Variants in SRRM1 observed in about 807,000 individuals in gnomAD.
The protein encoded by SRRM1 is serine and arginine repetitive matrix 1.
Under a neutral mutation model 110.2 loss-of-function variants are expected in SRRM1, and 19 were observed. That is an observed-to-expected ratio of 0.17 (90% confidence interval 0.12 to 0.25). SRRM1 has a LOEUF of 0.25. Ranked by LOEUF, SRRM1 falls within the 10% of genes least tolerant of loss-of-function variation. SRRM1 has a pLI of 1.00. For synonymous variants in SRRM1, 443 were observed against 414.9 expected (o/e 1.07, Z -0.82); for missense variants, 918 against 1,145.8 (o/e 0.80, Z 2.87).
chr1:24,652,814 C>A (rs563760271), intron 7 of SRRM1, 99 bp from the exon 8 acceptor site: 4 of 1,458,020 alleles, frequency 2.7e-6, no homozygotes, highest in Admixed American at 2.5e-5. Flanking sequence ...AAATTTTGAT[C>A]TTTGAAATTT....
At chr1:24,652,207 T>C (rs1446112366) in intron 6 of SRRM1, among the ~76,000 whole-genome samples, 1 of 149,678 alleles carries the variant, frequency 6.7e-6, no homozygotes, top group Non-Finnish European at 1.5e-5. Context: ...GTGACAAGAG[T>C]GAGACCCTGT....
At chr1:24,661,243 T>C in intron 10 of SRRM1, 67 bp from the exon 11 acceptor site, 1 of 1,143,700 alleles carries the variant, frequency 8.7e-7, no homozygotes, top group Non-Finnish European at 1.3e-6. Context: ...ACTATTTTCC[T>C]ATTCAAATTG....
chr1:24,651,740 T>C, intron 6 of SRRM1, 128 bp downstream of exon 6: 1 of 822,974 alleles, frequency 1.2e-6, no homozygotes, highest in Non-Finnish European at 1.9e-6. Flanking sequence ...AAAATTAGTT[T>C]GTTGAAAAGA....
intron 1 of SRRM1, 146 bp downstream of exon 1, chr1:24,643,493 C>CA: frequency 1.7e-6 from 1 of 579,044 alleles, no homozygotes; most frequent in Admixed American, 4.8e-5. Flanking sequence ...CCCCCCCCCC[C>CA]CCCGTGCGCT....
intron 8 of SRRM1, among the ~76,000 whole-genome samples, chr1:24,653,908 A>G (rs983522180): frequency 1.3e-5 from 2 of 152,216 alleles, no homozygotes; most frequent in African/African-American, 4.8e-5. Flanking sequence ...GGGAAAAATC[A>G]AGTAAGCTCT....
intron 15 of SRRM1, among the ~76,000 whole-genome samples, chr1:24,670,542 C>T (rs1017349740): frequency 6.6e-6 from 1 of 152,182 alleles, no homozygotes; most frequent in Non-Finnish European, 1.5e-5. Context: ...CTGTCACCCA[C>T]GCTGAGTGCA....
intron 12 of SRRM1, among the ~76,000 whole-genome samples, chr1:24,664,259 G>GT (rs1225398361): frequency 4.6e-5 from 7 of 152,264 alleles, no homozygotes; most frequent in African/African-American, 1.4e-4. Flanking sequence ...GCCTCCCAAA[G>GT]TGTTGGGATT....
At chr1:24,659,956 T>C (rs1280943090) in intron 9 of SRRM1, among the ~76,000 whole-genome samples, 1 of 152,226 alleles carries the variant, frequency 6.6e-6, no homozygotes, top group Non-Finnish European at 1.5e-5. Flanking sequence ...GGCGGTCTGC[T>C]TTTTTTCATG....
intron 16 of SRRM1, 74 bp downstream of exon 16, chr1:24,671,669 A>G: frequency 7.2e-7 from 1 of 1,383,034 alleles, no homozygotes. Context: ...TTTGAGAAGT[A>G]GCAAAATTGT....
rs756779870 is a variant in SRRM1, at chr1:24,652,550, G to A, written c.842G>A (p.Arg281His). Residue 281 changes from arginine (R) to histidine (H), a missense_variant, in exon 7 of 17, where the codon CGC (arginine) becomes CAC (histidine). This residue lies in a region of SRRM1 where 456 missense variants were observed against 453.5 expected (regional missense o/e 1.01). Coordinates refer to ENST00000323848, the MANE Select transcript of SRRM1 (RefSeq NM_005839.4). The stretch of plus-strand genomic sequence containing the variant: ...AAGACCCGACCACGATCTCGGTCAC[G>A]CTCCAAATCAAGATCCCGGACGCGG... The part of the protein sequence containing the change: ...KEKTRPRSRS[R>H]SKSRSRTRSR... 6 of 1,613,600 alleles carry A rather than the reference G, an allele frequency of 3.7e-6. No individual in the cohort carries two copies. The highest frequency in any genetic ancestry group is 1.3e-5 in the African/African-American group (1 of 74,852).
At chr1:24,662,887 G>GT (rs1294072351) in intron 12 of SRRM1, 83 bp downstream of exon 12, 1 of 1,549,184 alleles carries the variant, frequency 6.5e-7, no homozygotes, top group African/African-American at 1.4e-5. Context: ...TGAGAATTTG[G>GT]TTAACTCCTT....
At position 24,669,202 on chromosome 1, in the gene SRRM1, T is replaced by A. The variant is rs545461340; in HGVS notation, c.1819T>A (p.Ser607Thr). The A allele has an allele frequency of 6.2e-7, 1 of 1,613,840 alleles. No homozygotes were observed. The highest frequency in any genetic ancestry group is 1.7e-5 in the Admixed American group (1 of 59,972). ...SPPIQRRYSP[S>T]PPPKRRTASP... Reference sequence around the variant, plus strand: ...TCCAATACAGAGGAGATACTCTCCTTCTCCACCTCCAAAGAGAAGAACGGC... The same window carrying A: ...TCCAATACAGAGGAGATACTCTCCTACTCCACCTCCAAAGAGAAGAACGGC... Residue 607 changes from serine (S) to threonine (T), a missense_variant, in exon 14 of 17, where the codon TCT becomes ACT. Ser to Thr is a moderately conservative substitution (Grantham distance 58). Coordinates refer to ENST00000323848, the MANE Select transcript of SRRM1 (RefSeq NM_005839.4).
At chr1:24,661,741 G>A (rs1437681053) in intron 11 of SRRM1, among the ~76,000 whole-genome samples, 1 of 152,152 alleles carries the variant, frequency 6.6e-6, no homozygotes, top group African/African-American at 2.4e-5. Context: ...AAGCTCAACT[G>A]TAGATATGTT....
chr1:24,669,456 T>C lies in SRRM1; in HGVS notation c.2073T>C (p.Pro691=), dbSNP rs781128158. The part of the protein sequence containing the change: ...RHSPSPRPRA[P]QTSSSPPPVR... ...CGCCCTCACCACGGCCTCGAGCTCC[T>C]CAGACCTCCTCAAGTCCTCCACCCG... The change falls in exon 14 of 17, where the codon CCT becomes CCC. Residue 691 remains proline, a synonymous_variant. Coordinates refer to ENST00000323848, the MANE Select transcript of SRRM1 (RefSeq NM_005839.4). 1 of 1,614,040 alleles carries C rather than the reference T, an allele frequency of 6.2e-7. No homozygotes were observed. Among genetic ancestry groups the C allele is most frequent in the Admixed American group, 1.7e-5 (1 of 59,976 alleles).
intron 1 of SRRM1, among the ~76,000 whole-genome samples, chr1:24,645,189 CAGAG>C (rs1656714227): frequency 6.6e-6 from 1 of 152,160 alleles, no homozygotes; most frequent in Non-Finnish European, 1.5e-5. Context: ...GAACTATCCT[CAGAG>C]AGGCTGGGTA....
intron 1 of SRRM1, among the ~76,000 whole-genome samples, chr1:24,644,120 C>T (rs537484290): frequency 6.6e-6 from 1 of 152,288 alleles, no homozygotes; most frequent in African/African-American, 2.4e-5. Flanking sequence ...TTGGAGTCCG[C>T]TGGTGAAAGG....
intron 8 of SRRM1, among the ~76,000 whole-genome samples, chr1:24,654,138 C>T (rs1254325442): frequency 6.6e-6 from 1 of 152,118 alleles, no homozygotes; most frequent in African/African-American, 2.4e-5. Flanking sequence ...CTGGTGCTTC[C>T]TAGTACAAGA....
chr1:24,654,170 T>TA (rs1662674988), intron 8 of SRRM1: 1 of 521,408 alleles, frequency 1.9e-6, no homozygotes, highest in Admixed American at 3.0e-5. Context: ...AGCTATTTCT[T>TA]ATACTGGAGT....
intron 3 of SRRM1, 28 bp downstream of exon 3, chr1:24,646,817 C>A: frequency 6.5e-7 from 1 of 1,539,870 alleles, no homozygotes. Flanking sequence ...GCTCTTGTTT[C>A]TGAATATGTG....
Sources: allele counts gnomAD v4.1 joint callset (sites outside exome capture counted in the v4.1 genomes callset), GRCh38; gene constraint gnomAD v4.1.1; regional missense constraint gnomAD v4.1.1; transcripts MANE v1.5; gene names NCBI Gene and HGNC (gene_info 2026-07-23, HGNC 2026-07-21).